RNGTT: variants seen among roughly 807,000 people sequenced by gnomAD.
The protein encoded by RNGTT is mRNA-capping enzyme.
RNGTT carries 33 observed loss-of-function variants against 79.3 expected under a neutral mutation model. That is an observed-to-expected ratio of 0.42 (90% CI 0.32 to 0.56). The LOEUF is 0.56. Ranked by LOEUF, RNGTT falls within the 20% of genes least tolerant of loss-of-function variation. The probability of loss-of-function intolerance (pLI) is 0.17; values close to 1 mark genes in which losing one functional copy is unlikely to be tolerated. For synonymous variants in RNGTT, 222 were observed against 235.9 expected, an observed-to-expected ratio of 0.94 and a Z score of 0.54; for missense variants, 497 against 739.1, an observed-to-expected ratio of 0.67 and a Z score of 3.80.
At chr6:88,914,626 CA>C (rs1375665256) in intron 4 of RNGTT, among the ~76,000 whole-genome samples, 1 of 150,550 alleles carries the variant, frequency 6.6e-6, no homozygotes, top group Admixed American at 6.6e-5. Context: ...TCACCATATA[CA>C]AAAAAAAAGC....
At chr6:88,807,605 C>T (rs1194251944) in intron 11 of RNGTT, among the ~76,000 whole-genome samples, 6 of 152,084 alleles carry the variant, frequency 3.9e-5, no homozygotes, top group Admixed American at 6.5e-5. Flanking sequence ...AACATTTGTA[C>T]AGCTGGAATG....
chr6:88,706,305 A>G (rs1399895910), intron 13 of RNGTT, among the ~76,000 whole-genome samples: 2 of 152,076 alleles, frequency 1.3e-5, no homozygotes, highest in African/African-American at 4.8e-5. Flanking sequence ...TGTCTCTGAG[A>G]TCAGATAAAT....
intron 13 of RNGTT, among the ~76,000 whole-genome samples, chr6:88,716,309 AG>A (rs1776510525): frequency 6.6e-6 from 1 of 151,964 alleles, no homozygotes; most frequent in African/African-American, 2.4e-5. Flanking sequence ...TTAAAAAGTC[AG>A]GAAACAACAG....
chr6:88,849,910 A>G (rs1200619014), intron 9 of RNGTT, 84 bp from the exon 10 acceptor site: 2 of 1,276,548 alleles, frequency 1.6e-6, no homozygotes, highest in Non-Finnish European at 2.1e-6. Flanking sequence ...TACACACAGT[A>G]AGCACATAAA....
intron 13 of RNGTT, among the ~76,000 whole-genome samples, chr6:88,758,536 A>G (rs959309238): frequency 8.5e-5 from 13 of 152,188 alleles, no homozygotes; most frequent in Non-Finnish European, 1.8e-4. Context: ...ACATATTTGA[A>G]TAATACAGAG....
At chr6:88,812,304 C>T (rs1780164771) in intron 11 of RNGTT, among the ~76,000 whole-genome samples, 1 of 152,132 alleles carries the variant, frequency 6.6e-6, no homozygotes, top group Admixed American at 6.6e-5. Flanking sequence ...AAATCTCAAA[C>T]AAAATTTCTC....
At chr6:88,686,648 G>T (rs1345637201) in intron 13 of RNGTT, among the ~76,000 whole-genome samples, 1 of 152,072 alleles carries the variant, frequency 6.6e-6, no homozygotes, top group Non-Finnish European at 1.5e-5. Context: ...TATAACAAAG[G>T]TGGCACTGCA....
intron 2 of RNGTT, among the ~76,000 whole-genome samples, chr6:88,930,047 T>C (rs116567288): frequency 0.019 from 2,819 of 148,542 alleles, 81 homozygotes; most frequent in African/African-American, 0.066. Flanking sequence ...TATGCATATA[T>C]ACATATACAT....
intron 14 of RNGTT, among the ~76,000 whole-genome samples, chr6:88,660,485 C>A (rs1774140887): frequency 6.7e-6 from 1 of 149,258 alleles, no homozygotes; most frequent in Admixed American, 6.6e-5. Flanking sequence ...TGCAAATGAA[C>A]ACCAAAAGTG....
intron 14 of RNGTT, among the ~76,000 whole-genome samples, chr6:88,662,778 G>A (rs1349620023): frequency 2.0e-5 from 3 of 152,152 alleles, no homozygotes; most frequent in Non-Finnish European, 2.9e-5. Context: ...AGCAGTGTGC[G>A]GCAGACCCCC....
At chr6:88,849,904 C>A in intron 9 of RNGTT, 78 bp from the exon 10 acceptor site, 1 of 1,300,402 alleles carries the variant, frequency 7.7e-7, no homozygotes, top group South Asian at 1.7e-5. Flanking sequence ...ATGGCATACA[C>A]ACAGTAAGCA....
At chr6:88,872,471 A>G (rs577980601) in intron 8 of RNGTT, among the ~76,000 whole-genome samples, 4 of 152,308 alleles carry the variant, frequency 2.6e-5, no homozygotes, top group African/African-American at 7.2e-5. Context: ...TGATAGCACA[A>G]TAGGGTGACT....
At chr6:88,849,890 A>G in intron 9 of RNGTT, 64 bp from the exon 10 acceptor site, 1 of 1,427,442 alleles carries the variant, frequency 7.0e-7, no homozygotes, top group Non-Finnish European at 9.3e-7. Context: ...AATTTAATTG[A>G]AATATGGCAT....
intron 10 of RNGTT, among the ~76,000 whole-genome samples, chr6:88,848,887 T>A (rs141066053): frequency 6.6e-6 from 1 of 152,068 alleles, no homozygotes. Context: ...TACATGAGTA[T>A]TCCTTACATT....
chr6:88,906,454 T>TTC lies in RNGTT; in HGVS notation c.368-15_368-14insGA. 1 of 1,550,546 alleles carries TTC rather than the reference T, an allele frequency of 6.4e-7. No individual in the cohort carries two copies. The highest frequency in any genetic ancestry group is 8.7e-7 in the Non-Finnish European group (1 of 1,146,566). On this transcript the variant is annotated splice_polypyrimidine_tract_variant and intron_variant, in intron 4 of 15. Transcript: ENST00000369485. Reference sequence around the variant, plus strand: ...TACAATGAACACCTAGAAAATAAAGTAGCTTTGGTTAAAATTAACAAATCA... The same window carrying TTC: ...TACAATGAACACCTAGAAAATAAAGTTCAGCTTTGGTTAAAATTAACAAATCA...
rs1451302478 is a variant in RNGTT at position 88,659,546 on chromosome 6, T to C, written c.1506+18807A>G. 3.3e-5 allele frequency among the ~76,000 whole-genome samples: 5 copies of C among 151,756 alleles called. No individual in the cohort carries two copies. In the East Asian group the frequency reaches 9.7e-4, roughly 29 times the overall value. Reference sequence around the variant, plus strand: ...AGACTAGAACAAGTAGAAGAAAGAATTTCAGAGCTTGAAGACAGGCTTTTG... The same window carrying C: ...AGACTAGAACAAGTAGAAGAAAGAACTTCAGAGCTTGAAGACAGGCTTTTG... On this transcript the variant is annotated intron_variant, in intron 14 of 15. Transcript: ENST00000369485.
chr6:88,919,263 T>C (rs377083798), intron 4 of RNGTT, among the ~76,000 whole-genome samples: 1 of 152,234 alleles, frequency 6.6e-6, no homozygotes, highest in East Asian at 1.9e-4. Flanking sequence ...AGTTTTTAAC[T>C]AAATATTAGC....
chr6:88,913,066 A>G (rs1245446334), intron 4 of RNGTT, among the ~76,000 whole-genome samples: 1 of 151,932 alleles, frequency 6.6e-6, no homozygotes, highest in Non-Finnish European at 1.5e-5. Flanking sequence ...TTAGCCAGGC[A>G]TGGTGGCACA....
rs890128176 is a variant in RNGTT, at chr6:88,935,586, G to GT, written c.174+5484dup. ...TTTTAATAAAATTAAAAAGTTAGGA[G>GT]TTTTTTCTATTTCTATAAAAAATGT... On this transcript the variant is annotated intron_variant, in intron 2 of 15. Coordinates refer to ENST00000369485, the MANE Select transcript of RNGTT (RefSeq NM_003800.5). Among the ~76,000 whole-genome samples the GT allele has an allele frequency of 2.0e-4, 31 of 152,136 alleles. 1 individual carries two copies. Among genetic ancestry groups the GT allele is most frequent in the Admixed American group, 2.0e-4 (3 of 15,260 alleles).
Sources: allele counts gnomAD v4.1 joint callset (sites outside exome capture counted in the v4.1 genomes callset), GRCh38; gene constraint gnomAD v4.1.1; transcripts MANE v1.5; gene names NCBI Gene and HGNC (gene_info 2026-07-23, HGNC 2026-07-21).